The following PEAR1 variants were observed in gnomAD, a reference collection of about 807,000 sequenced individuals.
PEAR1 encodes the protein multiple EGF-like domains protein 12.
In PEAR1, 113 loss-of-function variants were observed where a neutral mutation model predicts 131.2. The observed-to-expected ratio is 0.86, with a 90% CI of 0.74 to 1.01. The LOEUF (loss-of-function observed/expected upper bound fraction) is 1.01, where lower values mean the gene tolerates loss of function less well. Ranked by LOEUF, PEAR1 falls within the 50% of genes least tolerant of loss-of-function variation. The pLI, the probability that PEAR1 is intolerant of heterozygous loss-of-function variation, is 0.00. For missense variants in PEAR1, 1,408 were observed against 1,391.1 expected, an observed-to-expected ratio of 1.01 and a Z score of -0.19; for synonymous variants, 565 against 523.3, an observed-to-expected ratio of 1.08 and a Z score of -1.09.
chr1:156,913,075 T>C, intron 18 of PEAR1, 93 bp downstream of exon 18: 1 of 1,565,552 alleles, frequency 6.4e-7, no homozygotes, highest in South Asian at 1.1e-5. Flanking sequence ...AGATGAGGAG[T>C]GGGGAGGAGG....
At chr1:156,898,735 C>T (rs1649401701) in intron 1 of PEAR1, among the ~76,000 whole-genome samples, 1 of 152,162 alleles carries the variant, frequency 6.6e-6, no homozygotes, top group Non-Finnish European at 1.5e-5. Context: ...ACAACCTTAG[C>T]ACCAAGCTAA....
intron 7 of PEAR1, 35 bp from the exon 8 acceptor site, chr1:156,907,880 G>A: frequency 6.3e-7 from 1 of 1,596,118 alleles, no homozygotes; most frequent in Non-Finnish European, 8.6e-7. Flanking sequence ...AGGAGGCTGG[G>A]TGCCTGGGGC....
chr1:156,901,380 C>T (rs918404095), intron 1 of PEAR1, among the ~76,000 whole-genome samples: 34 of 152,206 alleles, frequency 2.2e-4, no homozygotes, highest in Admixed American at 3.9e-4. Context: ...GAGGAGGTGA[C>T]AGGGACAGGA....
Position 156,908,393 on chromosome 1 carries a change from C to T in PEAR1, c.1115+53C>T. On this transcript the variant is annotated intron_variant, in intron 9 of 22. Transcript: ENST00000292357. The surrounding 1 kb of genome is among the most constrained non-coding windows in gnomAD (Gnocchi z 4.2). The stretch of plus-strand genomic sequence containing the variant: ...ATCAGGAGGCCAATGGGGAGGTCTT[C>T]CTGGCCGAAGTCACCACAGAGCCAG... The T allele has an allele frequency of 6.9e-7, 1 of 1,452,842 alleles. No individual in the cohort carries two copies. The highest frequency in any genetic ancestry group is 1.4e-5 in the South Asian group (1 of 71,314). 90.0% of individuals were successfully genotyped at this position (1,452,842 alleles called of 1,614,324 possible). A position where few individuals can be genotyped will look rare whatever the true frequency, so the allele number is the denominator to read the frequency against.
chr1:156,916,373 A>C lies in PEAR1; in HGVS notation c.*1575A>C, dbSNP rs1651858699. On this transcript the variant is annotated 3_prime_UTR_variant, in exon 23 of 23. Coordinates refer to ENST00000292357, the MANE Select transcript of PEAR1 (RefSeq NM_001080471.3). ...CAGTGATCTTTGATATATTATTGTA[A>C]TTGTTTCGGGGCGCCATGAACCGCA... The C allele has an allele frequency of 6.6e-6, 1 of 152,168 alleles. No homozygotes were observed. The highest frequency in any genetic ancestry group is 2.4e-5 in the African/African-American group (1 of 41,432). 9.4% of individuals were successfully genotyped at this position (152,168 alleles called of 1,614,324 possible).
intron 15 of PEAR1, among the ~76,000 whole-genome samples, chr1:156,911,020 A>AT (rs1263917794): frequency 7.0e-6 from 1 of 143,316 alleles, no homozygotes; most frequent in South Asian, 2.2e-4. Context: ...AGCTTGGGAC[A>AT]TTTTCTCTTG....
chr1:156,913,290 C>A lies in PEAR1; in HGVS notation c.2511+8C>A. Reference sequence around the variant, plus strand: ...CCCCCACCCCCTAACAAGGTCAGTGCCGGGGGAGGGGGTGCACTGTGGAGG... The same window carrying A: ...CCCCCACCCCCTAACAAGGTCAGTGACGGGGGAGGGGGTGCACTGTGGAGG... On this transcript the variant is annotated splice_region_variant and intron_variant, in intron 19 of 22. Coordinates refer to ENST00000292357, the MANE Select transcript of PEAR1 (RefSeq NM_001080471.3). 6.2e-7 allele frequency: 1 copy of A among 1,602,162 alleles called. No individual in the cohort carries two copies. Among genetic ancestry groups the A allele is most frequent in the Non-Finnish European group, 8.5e-7 (1 of 1,173,790 alleles).
At chr1:156,899,899 G>C (rs1159740003) in intron 1 of PEAR1, among the ~76,000 whole-genome samples, 3 of 152,162 alleles carry the variant, frequency 2.0e-5, no homozygotes, top group African/African-American at 7.2e-5. Flanking sequence ...CCGTGGGGAA[G>C]TCCCTTCTGC....
At chr1:156,913,653 G>A (rs1305663517) in intron 20 of PEAR1, 39 bp from the exon 21 acceptor site, 3 of 1,608,130 alleles carry the variant, frequency 1.9e-6, no homozygotes, top group Non-Finnish European at 2.5e-6. Context: ...CCGGGGGAGG[G>A]GACAGAGGGC....
chr1:156,911,342 C>T (rs1356216739), intron 15 of PEAR1, among the ~76,000 whole-genome samples: 1 of 144,476 alleles, frequency 6.9e-6, no homozygotes, highest in African/African-American at 2.6e-5. Flanking sequence ...AGTGCAGTGG[C>T]ATGATCTCAG....
At chr1:156,905,738 C>T (rs1650229630) in intron 4 of PEAR1, among the ~76,000 whole-genome samples, 1 of 152,168 alleles carries the variant, frequency 6.6e-6, no homozygotes, top group Non-Finnish European at 1.5e-5. Flanking sequence ...GTCTCTGTCT[C>T]TCTGTCACTG....
intron 1 of PEAR1, among the ~76,000 whole-genome samples, chr1:156,901,492 T>A (rs1462780539): frequency 1.3e-5 from 2 of 152,208 alleles, no homozygotes; most frequent in Non-Finnish European, 2.9e-5. Context: ...TTAACTCGAC[T>A]CCTTCCTGCA....
chr1:156,910,417 C>T, intron 14 of PEAR1, 37 bp downstream of exon 14: 1 of 1,562,878 alleles, frequency 6.4e-7, no homozygotes, highest in Non-Finnish European at 8.7e-7. Flanking sequence ...CTGCCACCAG[C>T]AGGGGGCAGT....
At chr1:156,895,954 C>T (rs1649118279) in intron 1 of PEAR1, among the ~76,000 whole-genome samples, 1 of 152,016 alleles carries the variant, frequency 6.6e-6, no homozygotes, top group African/African-American at 2.4e-5. Context: ...TGGTGGTGCC[C>T]GCCCATGGGC....
Position 156,908,301 on chromosome 1 carries a change from G to T in PEAR1, c.1076G>T (p.Cys359Phe). 1.3e-6 allele frequency: 2 copies of T among 1,569,196 alleles called. No individual in the cohort carries two copies. ...CCCGACGGCTTCTACGGTCTCAGCT[G>T]CCAGGCCCCCTGCACCTGCGACCGG... Reference protein sequence around the residue: ...LCPDGFYGLSCQAPCTCDREH... With the variant: ...LCPDGFYGLSFQAPCTCDREH... The change falls in exon 9 of 23, where the codon TGC becomes TTC. Residue 359 changes from cysteine (C) to phenylalanine (F), a missense_variant. By Grantham distance (205) the Cys-to-Phe change is radical. Transcript: ENST00000292357. This position sits in a 1 kb window ranked among gnomAD's most constrained non-coding sequence, Gnocchi z 4.2.
intron 15 of PEAR1, among the ~76,000 whole-genome samples, chr1:156,911,573 T>A (rs1016488496): frequency 1.3e-5 from 2 of 151,814 alleles, no homozygotes; most frequent in African/African-American, 4.8e-5. Flanking sequence ...GGATTACAGG[T>A]GTGAGCCACT....
At chr1:156,912,709 G>C in intron 17 of PEAR1, 61 bp from the exon 18 acceptor site, 1 of 1,611,650 alleles carries the variant, frequency 6.2e-7, no homozygotes, top group Non-Finnish European at 8.5e-7. Flanking sequence ...TCCCTCCTGA[G>C]CACCTCTCCC....
chr1:156,907,643 C>G lies in PEAR1; in HGVS notation c.678C>G (p.Gly226=). The G allele has an allele frequency of 6.2e-7, 1 of 1,613,940 alleles. No homozygotes were observed. Among genetic ancestry groups the G allele is most frequent in the Non-Finnish European group, 8.5e-7 (1 of 1,179,860 alleles). The change falls in exon 7 of 23, where the codon GGC becomes GGG. Residue 226 remains glycine (G), a synonymous_variant. Coordinates refer to ENST00000292357, the MANE Select transcript of PEAR1 (RefSeq NM_001080471.3). Reference sequence around the variant, plus strand: ...TGTCCTGTTCCCAGGGCACTTCTGGCTTCTTCTGCCCCAGCACCCATTCTT... The same window carrying G: ...TGTCCTGTTCCCAGGGCACTTCTGGGTTCTTCTGCCCCAGCACCCATTCTT... ...CDVSCSQGTS[G]FFCPSTHSCQ...
Position 156,913,399 on chromosome 1 carries a change from C to T in PEAR1, c.2520C>T (p.Gly840=), listed in dbSNP as rs752747148. The T allele has an allele frequency of 1.3e-6, 2 of 1,598,958 alleles. No individual in the cohort carries two copies. Among genetic ancestry groups the T allele is most frequent in the South Asian group, 1.1e-5 (1 of 90,980 alleles). ...GCACTGTCCCCTCTTAGGTTCCAGG[C>T]CCGCTCTTTGCCAGCCTGCAGAACC... ...PNPPPPNKVP[G]PLFASLQNPE... The change falls in exon 20 of 23, where the codon GGC becomes GGT. Residue 840 remains glycine, a synonymous_variant. Transcript: ENST00000292357.
Sources: allele counts gnomAD v4.1 joint callset (sites outside exome capture counted in the v4.1 genomes callset), GRCh38; gene constraint gnomAD v4.1.1; non-coding constraint Gnocchi (gnomAD v3.1); transcripts MANE v1.5; gene names NCBI Gene and HGNC (gene_info 2026-07-23, HGNC 2026-07-21).